The following PFDN1 variants were observed in gnomAD, a reference collection of about 807,000 sequenced individuals.
PFDN1 encodes prefoldin 1.
A neutral mutation model predicts 17.3 loss-of-function variants in PFDN1; 6 were observed. The ratio of observed to expected loss-of-function variants is 0.35; its 90% CI spans 0.19 to 0.69. The LOEUF is 0.69. PFDN1 is among the 30% of genes least tolerant of loss of function. The pLI is 0.65. For missense variants in PFDN1, 113 were observed against 146.2 expected (o/e 0.77, Z 1.17); for synonymous variants, 58 against 50.1 (o/e 1.16, Z -0.67).
At chr5:140,253,543 C>T (rs1214491496) in intron 3 of PFDN1, among the ~76,000 whole-genome samples, 2 of 152,172 alleles carry the variant, frequency 1.3e-5, no homozygotes, top group Non-Finnish European at 2.9e-5. Context: ...AGAGAAAGCC[C>T]AGCCTACCAG....
Position 140,257,132 on chromosome 5 carries a change from A to G in PFDN1, c.286-11075T>C, listed in dbSNP as rs185084161. On this transcript the variant is annotated intron_variant, in intron 3 of 3. Coordinates refer to ENST00000261813, the MANE Select transcript of PFDN1 (RefSeq NM_002622.5). Reference sequence around the variant, plus strand: ...CAGCTACTCAGGAGGCTGAGGCAGGAGAATCGCTTGAGCCCGGGAGGTGGA... The same window carrying G: ...CAGCTACTCAGGAGGCTGAGGCAGGGGAATCGCTTGAGCCCGGGAGGTGGA... 5.3e-5 allele frequency among the ~76,000 whole-genome samples: 8 copies of G among 151,956 alleles called. No homozygotes were observed. The East Asian group carries it at 1.5e-3, about 29-fold the overall frequency.
chr5:140,300,254 G>A lies in PFDN1; in HGVS notation c.200+162C>T, dbSNP rs1048093981. ...AGGGTTCCACCATACTGGCCAACAG[G>A]CTGCCCTCAAGTGATCCACTCGCCT... On this transcript the variant is annotated intron_variant, in intron 2 of 3. Coordinates refer to ENST00000261813, the MANE Select transcript of PFDN1 (RefSeq NM_002622.5). Among the ~76,000 whole-genome samples, 8 of 152,150 alleles carry A rather than the reference G, an allele frequency of 5.3e-5. No individual in the cohort carries two copies. The South Asian group carries it at 1.2e-3, about 24-fold the overall frequency.
chr5:140,293,903 T>C (rs1235517168), intron 2 of PFDN1, among the ~76,000 whole-genome samples: 2 of 152,076 alleles, frequency 1.3e-5, no homozygotes, highest in African/African-American at 4.8e-5. Context: ...CAGGAAAAGA[T>C]GTTGTTGTTT....
At chr5:140,282,302 A>G (rs1765417386) in intron 2 of PFDN1, among the ~76,000 whole-genome samples, 1 of 151,948 alleles carries the variant, frequency 6.6e-6, no homozygotes, top group Admixed American at 6.6e-5. Flanking sequence ...AGAAAAGTCA[A>G]CATACAAACA....
chr5:140,247,020 C>T (rs1021048089), intron 3 of PFDN1, among the ~76,000 whole-genome samples: 1 of 152,244 alleles, frequency 6.6e-6, no homozygotes, highest in Non-Finnish European at 1.5e-5. Context: ...ACCTCCACCC[C>T]CTTCACCCAA....
At chr5:140,249,479 T>C (rs1764881001) in intron 3 of PFDN1, among the ~76,000 whole-genome samples, 1 of 152,166 alleles carries the variant, frequency 6.6e-6, no homozygotes, top group Non-Finnish European at 1.5e-5. Flanking sequence ...TGCAATTCAG[T>C]ATGGTCAGAG....
chr5:140,301,917 T>C (rs1765753846), intron 1 of PFDN1, among the ~76,000 whole-genome samples: 1 of 152,246 alleles, frequency 6.6e-6, no homozygotes, highest in Non-Finnish European at 1.5e-5. Context: ...AAAGATGAGC[T>C]AGTATACTGT....
chr5:140,283,513 A>G (rs556832539), intron 2 of PFDN1, among the ~76,000 whole-genome samples: 44 of 152,278 alleles, frequency 2.9e-4, no homozygotes, highest in Non-Finnish European at 2.8e-4. Flanking sequence ...GATTACAGGC[A>G]TGAGCCACCA....
chr5:140,291,647 T>C (rs1765582798), intron 2 of PFDN1, among the ~76,000 whole-genome samples: 1 of 150,404 alleles, frequency 6.6e-6, no homozygotes, highest in African/African-American at 2.4e-5. Context: ...ATGAGATTAT[T>C]AAGAGACTGA....
chr5:140,266,687 T>C (rs1289347355), intron 3 of PFDN1, among the ~76,000 whole-genome samples: 9 of 152,238 alleles, frequency 5.9e-5, no homozygotes, highest in African/African-American at 2.2e-4. Flanking sequence ...CAACACAGAA[T>C]GTGGAACACA....
At chr5:140,276,015 TTGATGATGA>T (rs57224353) in intron 3 of PFDN1, among the ~76,000 whole-genome samples, 138 of 149,376 alleles carry the variant, frequency 9.2e-4, no homozygotes, top group South Asian at 1.7e-3. Context: ...AGAAGAGAAA[TTGATGATGA>T]TGATGATGAT....
At chr5:140,301,219 T>A (rs1486116689) in intron 1 of PFDN1, among the ~76,000 whole-genome samples, 1 of 152,180 alleles carries the variant, frequency 6.6e-6, no homozygotes, top group Non-Finnish European at 1.5e-5. Flanking sequence ...AATCTTTCCA[T>A]TCCACTGTCT....
chr5:140,246,039 C>A lies in PFDN1; in HGVS notation c.304G>T (p.Glu102Ter). Reference protein sequence around the residue: ...KELEQKKSYLERSVKEAEDNI... With the variant: ...KELEQKKSYL ...TCCTCAGCTTCCTTAACGCTTCGCT[C>A]CAGGTAGGACTTTTTCTGCTGCAAT... The change falls in exon 4 of 4, where the codon GAG becomes TAG. Residue 102 changes from glutamate (E) to a stop codon, truncating the protein, a stop_gained. Transcript: ENST00000261813. LOFTEE classifies it high-confidence loss of function. 1 of 1,559,600 alleles carries A rather than the reference C, an allele frequency of 6.4e-7. No homozygotes were observed. Among genetic ancestry groups the A allele is most frequent in the East Asian group, 2.4e-5 (1 of 42,216 alleles).
intron 2 of PFDN1, among the ~76,000 whole-genome samples, chr5:140,284,453 A>G (rs1043937007): frequency 6.6e-6 from 1 of 152,262 alleles, no homozygotes; most frequent in African/African-American, 2.4e-5. Context: ...TCTGAAAAAA[A>G]GTCTTTGGAA....
At chr5:140,279,598 A>C (rs1349844169) in intron 3 of PFDN1, among the ~76,000 whole-genome samples, 1 of 152,020 alleles carries the variant, frequency 6.6e-6, no homozygotes, top group Admixed American at 6.5e-5. Flanking sequence ...CGTAGCTGGG[A>C]CTACAAGCAT....
At position 140,303,000 on chromosome 5, in the gene PFDN1, TCCAAAAAGAAGACCTCCGCCTG is replaced by T. The variant is rs1462990070; in HGVS notation, c.33+19_33+40del. On this transcript the variant is annotated intron_variant, in intron 1 of 3. Transcript: ENST00000261813. ...ATTCTTGTCTATAGTCCCCTCAGCC[TCCAAAAAGAAGACCTCCGCCTG>T]CCAAAGACCCTCTTTTACCTTCTTC... 1.4e-6 allele frequency: 2 copies of T among 1,445,726 alleles called. No homozygotes were observed. The highest frequency in any genetic ancestry group is 2.3e-5 in the East Asian group (1 of 44,148). 89.6% of individuals were successfully genotyped at this position (1,445,726 alleles called of 1,614,324 possible).
chr5:140,271,442 G>A (rs1200641447), intron 3 of PFDN1, among the ~76,000 whole-genome samples: 2 of 152,092 alleles, frequency 1.3e-5, no homozygotes, highest in Non-Finnish European at 2.9e-5. Flanking sequence ...TCAAAACAAC[G>A]TAGGAAAGAG....
intron 3 of PFDN1, among the ~76,000 whole-genome samples, chr5:140,276,247 GT>G (rs1765291190): frequency 6.6e-6 from 1 of 152,172 alleles, no homozygotes; most frequent in Non-Finnish European, 1.5e-5. Flanking sequence ...ACTGGTGAGA[GT>G]TTATATTTCC....
chr5:140,272,372 T>TTC (rs948051438), intron 3 of PFDN1, among the ~76,000 whole-genome samples: 12 of 148,928 alleles, frequency 8.1e-5, no homozygotes, highest in Non-Finnish European at 1.8e-4. Context: ...CATTTTTTTT[T>TTC]TTTTTTGAGA....
Sources: gnomAD v4.1 joint callset for allele counts (sites outside exome capture counted in the v4.1 genomes callset) on GRCh38, gnomAD v4.1.1 for gene constraint, MANE v1.5 for transcripts, NCBI Gene and HGNC (gene_info 2026-07-23, HGNC 2026-07-21) for gene names.